VWF: variants seen among roughly 807,000 people sequenced by gnomAD.
The protein encoded by VWF is von Willebrand factor.
A neutral mutation model predicts 308.6 loss-of-function variants in VWF; 176 were observed. The ratio of observed to expected loss-of-function variants is 0.57; its 90% CI spans 0.50 to 0.65. The LOEUF (loss-of-function observed/expected upper bound fraction) is 0.65. Ranked by LOEUF, VWF falls within the 30% of genes least tolerant of loss-of-function variation. The pLI is 0.00. For synonymous variants in VWF, 1,385 were observed against 1,443.4 expected, an observed-to-expected ratio of 0.96 and a Z score of 0.92; for missense variants, 3,146 against 3,648.2, an observed-to-expected ratio of 0.86 and a Z score of 3.55.
chr12:6,090,473 C>T (rs537340592), intron 6 of VWF, among the ~76,000 whole-genome samples: 16 of 152,158 alleles, frequency 1.1e-4, no homozygotes, highest in Admixed American at 2.6e-4. Context: ...AAAAAGAATG[C>T]GTGTTGAAAC....
At chr12:6,119,018 G>A (rs917926186) in intron 3 of VWF, among the ~76,000 whole-genome samples, 5 of 152,188 alleles carry the variant, frequency 3.3e-5, no homozygotes, top group Non-Finnish European at 4.4e-5. Flanking sequence ...TGGTTACCAC[G>A]GCCAAGGCCA....
intron 38 of VWF, 100 bp from the exon 39 acceptor site, chr12:5,985,765 C>A: frequency 2.7e-6 from 3 of 1,125,426 alleles, no homozygotes; most frequent in Middle Eastern, 2.0e-4. Flanking sequence ...AAGGGCCAGT[C>A]CCTGACCCAG....
Position 5,968,010 on chromosome 12 carries a change from G to A in VWF, c.7770+117C>T. The A allele has an allele frequency of 2.8e-6, 4 of 1,424,838 alleles. No homozygotes were observed. In the East Asian group the frequency reaches 9.1e-5, roughly 33 times the overall value. 88.3% of individuals were successfully genotyped at this position (1,424,838 alleles called of 1,614,324 possible). A position where few individuals can be genotyped will look rare whatever the true frequency, so the allele number is the denominator to read the frequency against. On this transcript the variant is annotated intron_variant, in intron 46 of 51. Transcript: ENST00000261405. ...GTCCCACAGGCAGTGGAAAGCTGGG[G>A]TTGGGTCTCTCTGGTTTCCTTCATT...
chr12:6,065,500 G>A (rs1450303085), intron 10 of VWF, among the ~76,000 whole-genome samples: 1 of 152,228 alleles, frequency 6.6e-6, no homozygotes, highest in East Asian at 1.9e-4. Flanking sequence ...TTTTACAGAT[G>A]GGGCAACTAA....
chr12:5,986,997 G>A (rs1044810090), intron 38 of VWF, among the ~76,000 whole-genome samples: 3 of 152,124 alleles, frequency 2.0e-5, no homozygotes, highest in African/African-American at 4.8e-5. Context: ...GCATGATCTC[G>A]GCTCATTGCA....
rs149432685 is a variant in VWF at position 5,985,113 on chromosome 12, G to A, written c.6908C>T (p.Thr2303Met). The change falls in exon 40 of 52, where the codon ACG (threonine) becomes ATG (methionine). Residue 2303 changes from threonine (T) to methionine (M), a missense_variant. By Grantham distance (81) the Thr-to-Met change is moderately conservative (BLOSUM62 -1). Coordinates refer to ENST00000261405, the MANE Select transcript of VWF (RefSeq NM_000552.5). Reference protein sequence around the residue: ...TQPCPTAKAPTCGLCEVARLR... With the variant: ...TQPCPTAKAPMCGLCEVARLR... ...GCGGGCTACTTCACACAGGCCACAC[G>A]TGGGAGCTAGAGGAGAGGAACGGCC... 116 of 1,614,082 alleles carry A rather than the reference G, an allele frequency of 7.2e-5. No homozygotes were observed. The Admixed American group carries it at 1.2e-3, about 17-fold the overall frequency.
intron 10 of VWF, among the ~76,000 whole-genome samples, chr12:6,069,216 CATT>C (rs1168822597): frequency 6.6e-6 from 1 of 152,078 alleles, no homozygotes; most frequent in Non-Finnish European, 1.5e-5. Context: ...ATGAAGTGCT[CATT>C]ATTATCCCCA....
In VWF at chr12:6,108,422, G is replaced by C. The variant is rs546162667; in HGVS notation, c.532+1952C>G. ...AAGTGACAAATTCACCACCATTATA[G>C]AAAAATTTAGCTCTTTTAGTAATGG... On this transcript the variant is annotated intron_variant, in intron 5 of 51. Transcript: ENST00000261405. Among the ~76,000 whole-genome samples the C allele has an allele frequency of 4.1e-5, 6 of 145,754 alleles. 1 individual carries two copies. Among genetic ancestry groups the C allele is most frequent in the African/African-American group, 1.5e-4 (6 of 39,834 alleles).
chr12:6,082,847 T>A (rs982390619), intron 6 of VWF, among the ~76,000 whole-genome samples: 1 of 152,216 alleles, frequency 6.6e-6, no homozygotes, highest in Non-Finnish European at 1.5e-5. Flanking sequence ...TTAACACTAG[T>A]GATGGGGTGC....
At chr12:6,012,296 T>G (rs1266738633) in intron 32 of VWF, among the ~76,000 whole-genome samples, 166 bp from the exon 33 acceptor site, 1 of 152,204 alleles carries the variant, frequency 6.6e-6, no homozygotes, top group Non-Finnish European at 1.5e-5. Flanking sequence ...GAGGCTGAGG[T>G]GGTCATCCTG....
intron 6 of VWF, among the ~76,000 whole-genome samples, chr12:6,089,331 G>T (rs1009935514): frequency 6.6e-6 from 1 of 152,192 alleles, no homozygotes. Flanking sequence ...ACCTGAAACC[G>T]GGAGTTCTGA....
chr12:6,010,875 C>T (rs1943985495), intron 34 of VWF, among the ~76,000 whole-genome samples: 1 of 152,144 alleles, frequency 6.6e-6, no homozygotes, highest in Non-Finnish European at 1.5e-5. Flanking sequence ...TCAACTGAGA[C>T]TTTGTCTTCT....
chr12:6,078,474 C>A (rs1944869623), intron 6 of VWF, among the ~76,000 whole-genome samples: 1 of 152,178 alleles, frequency 6.6e-6, no homozygotes, highest in Non-Finnish European at 1.5e-5. Context: ...AGAATTACGT[C>A]ACTGAACTCA....
At position 6,044,345 on chromosome 12, in the gene VWF, G is replaced by A; in HGVS notation, c.2388C>T (p.Asp796=). 12 of 1,614,204 alleles carry A rather than the reference G, an allele frequency of 7.4e-6. No homozygotes were observed. The highest frequency in any genetic ancestry group is 9.3e-6 in the Non-Finnish European group (11 of 1,180,040). ...LECTKTCQNY[D]LECMSMGCVS... is the part of the protein sequence containing the mutation. The stretch of plus-strand genomic sequence containing the variant: ...CACAGCCCATGCTCATGCACTCCAG[G>A]TCATAGTTCTGGCACGTTTTGGTAC... Residue 796 remains aspartate, a synonymous_variant, in exon 18 of 52, where the codon GAC becomes GAT. Coordinates refer to ENST00000261405, the MANE Select transcript of VWF (RefSeq NM_000552.5).
At chr12:6,106,166 G>T (rs1384666910) in intron 5 of VWF, among the ~76,000 whole-genome samples, 4 of 152,202 alleles carry the variant, frequency 2.6e-5, no homozygotes, top group African/African-American at 9.7e-5. Context: ...ATGGATAAAT[G>T]GATAAGCAAA....
At chr12:5,983,325 T>G in intron 40 of VWF, 71 bp from the exon 41 acceptor site, 1 of 1,456,424 alleles carries the variant, frequency 6.9e-7, no homozygotes, top group Non-Finnish European at 9.4e-7. Context: ...GTGAGTGGGA[T>G]GCTACATTCC....
At position 6,075,237 on chromosome 12, in the gene VWF, G is replaced by T; in HGVS notation, c.874+98C>A. ...CTGGCTGGCTGGGTGTGGTAAAGCC[G>T]CACATACGTGACACAGCCCCGAAGC... On this transcript the variant is annotated intron_variant, in intron 7 of 51. Transcript: ENST00000261405. The surrounding 1 kb of genome is among the most constrained non-coding windows in gnomAD (Gnocchi z 4.7). 6.8e-7 allele frequency: 1 copy of T among 1,477,250 alleles called. No individual in the cohort carries two copies. The highest frequency in any genetic ancestry group is 9.3e-7 in the Non-Finnish European group (1 of 1,070,072). 91.5% of individuals were successfully genotyped at this position (1,477,250 alleles called of 1,614,324 possible).
intron 47 of VWF, among the ~76,000 whole-genome samples, chr12:5,959,719 C>T (rs1943290248): frequency 1.3e-5 from 2 of 151,962 alleles, no homozygotes; most frequent in Non-Finnish European, 2.9e-5. Flanking sequence ...TTGAAAAACA[C>T]ACCACCATAT....
At chr12:6,076,301 T>C (rs534904974) in intron 6 of VWF, among the ~76,000 whole-genome samples, 3 of 152,338 alleles carry the variant, frequency 2.0e-5, no homozygotes, top group Admixed American at 2.0e-4. Context: ...CCCTACGTTT[T>C]ACCTAGAAAC....
Sources: allele counts gnomAD v4.1 joint callset (sites outside exome capture counted in the v4.1 genomes callset), GRCh38; gene constraint gnomAD v4.1.1; non-coding constraint Gnocchi (gnomAD v3.1); transcripts MANE v1.5; gene names NCBI Gene and HGNC (gene_info 2026-07-23, HGNC 2026-07-21).